DNAAF11: variants seen among roughly 807,000 people sequenced by gnomAD.
DNAAF11 encodes the protein leucine rich repeat containing 6.
A neutral mutation model predicts 60.8 loss-of-function variants in DNAAF11; 45 were observed. The ratio of observed to expected loss-of-function variants is 0.74; its 90% CI spans 0.58 to 0.95. The LOEUF (loss-of-function observed/expected upper bound fraction) is 0.95, where lower values mean the gene tolerates loss of function less well. Ranked by LOEUF, DNAAF11 falls within the 40% of genes least tolerant of loss-of-function variation. The pLI, the probability that DNAAF11 is intolerant of heterozygous loss-of-function variation, is 0.00. For missense variants in DNAAF11, 546 were observed against 546.2 expected (o/e 1.00, Z 0.00); for synonymous variants, 191 against 183.5 (o/e 1.04, Z -0.33).
intron 10 of DNAAF11, among the ~76,000 whole-genome samples, chr8:132,599,003 T>G (rs192936090): frequency 3.0e-4 from 46 of 152,074 alleles, no homozygotes; most frequent in African/African-American, 8.4e-4. Flanking sequence ...TTTGAAAAGA[T>G]CAACAACATT....
chr8:132,637,982 A>C lies in DNAAF11; in HGVS notation c.382T>G (p.Phe128Val). Residue 128 changes from phenylalanine (F) to valine (V), a missense_variant, in exon 4 of 12, where the codon TTT (phenylalanine) becomes GTT (valine). Transcript: ENST00000620350. ...ACCACGAACTCCCTATAGTGGTCAA[A>C]GGAAGCACATGGGTTCCCCATGAGA... ...LFLMGNPCAS[F>V]DHYREFVVAT... 2 of 1,614,124 alleles carry C rather than the reference A, an allele frequency of 1.2e-6. No individual in the cohort carries two copies. The highest frequency in any genetic ancestry group is 1.7e-6 in the Non-Finnish European group (2 of 1,179,974).
chr8:132,674,112 C>CAGGAGGAGCAGGAGGAGGAGGAGG (rs1825474575), intron 1 of DNAAF11, among the ~76,000 whole-genome samples: 1 of 46,694 alleles, frequency 2.1e-5, no homozygotes. Flanking sequence ...GGAGGAGGAG[C>CAGGAGGAGCAGGAGGAGGAGGAGG]AGGAGGAGGA....
At position 132,657,404 on chromosome 8, in the gene DNAAF11, T is replaced by C. The variant is rs543533269; in HGVS notation, c.179-497A>G. On this transcript the variant is annotated intron_variant, in intron 2 of 11. Coordinates refer to ENST00000620350, the MANE Select transcript of DNAAF11 (RefSeq NM_012472.6). The stretch of plus-strand genomic sequence containing the variant: ...GAATTACTATCTCTATTGATACTTA[T>C]ACTCAATCATAAGGGAAACAGCTGC... 7.2e-5 allele frequency among the ~76,000 whole-genome samples: 11 copies of C among 152,330 alleles called. No homozygotes were observed. In the East Asian group the frequency reaches 1.9e-3, roughly 27 times the overall value.
At chr8:132,620,752 G>A (rs1037982210) in intron 7 of DNAAF11, among the ~76,000 whole-genome samples, 4 of 152,220 alleles carry the variant, frequency 2.6e-5, no homozygotes, top group South Asian at 2.1e-4. Flanking sequence ...ATGGGGGCAC[G>A]TGGTTGTTTG....
At chr8:132,671,016 T>A (rs950855294) in intron 1 of DNAAF11, among the ~76,000 whole-genome samples, 2 of 152,124 alleles carry the variant, frequency 1.3e-5, no homozygotes, top group African/African-American at 4.8e-5. Flanking sequence ...AGAAAGACTC[T>A]TCCCGTAAGA....
intron 1 of DNAAF11, among the ~76,000 whole-genome samples, chr8:132,669,139 T>C (rs1163317431): frequency 6.6e-6 from 1 of 152,164 alleles, no homozygotes; most frequent in African/African-American, 2.4e-5. Context: ...CTGCTCAATT[T>C]TGATTTCTTT....
rs551266693 is a variant in DNAAF11, at chr8:132,651,973, A to G, written c.256+4857T>C. ...ATGACTTTGGTAATGGTAATTTTTG[A>G]GAATGAAAAATAAAAATATATGATG... On this transcript the variant is annotated intron_variant, in intron 3 of 11. Transcript: ENST00000620350. Among the ~76,000 whole-genome samples, 3 of 152,358 alleles carry G rather than the reference A, an allele frequency of 2.0e-5. No homozygotes were observed. The East Asian group carries it at 5.8e-4, about 29-fold the overall frequency.
At chr8:132,578,657 T>C (rs1815015306) in intron 11 of DNAAF11, 1 of 576,208 alleles carries the variant, frequency 1.7e-6, no homozygotes, top group African/African-American at 1.9e-5. Flanking sequence ...TTTTTTCTGG[T>C]TTCCTAGTAA....
At chr8:132,672,954 G>A (rs956192880) in intron 1 of DNAAF11, among the ~76,000 whole-genome samples, 1 of 152,128 alleles carries the variant, frequency 6.6e-6, no homozygotes, top group African/African-American at 2.4e-5. Context: ...CTGTACTAAT[G>A]ACATCCCTGC....
intron 10 of DNAAF11, among the ~76,000 whole-genome samples, chr8:132,599,995 A>G (rs1817438061): frequency 6.6e-6 from 1 of 152,234 alleles, no homozygotes; most frequent in African/African-American, 2.4e-5. Flanking sequence ...CCCTGTATGC[A>G]GATAACATGA....
chr8:132,633,413 G>T (rs564782438), intron 4 of DNAAF11, among the ~76,000 whole-genome samples: 1 of 152,136 alleles, frequency 6.6e-6, no homozygotes, highest in East Asian at 1.9e-4. Context: ...CAAACAGATA[G>T]GCTATTGTTA....
At chr8:132,602,583 T>A (rs1263491683) in intron 10 of DNAAF11, among the ~76,000 whole-genome samples, 1 of 151,916 alleles carries the variant, frequency 6.6e-6, no homozygotes, top group Non-Finnish European at 1.5e-5. Flanking sequence ...TCTAACAATT[T>A]AATGCCCACA....
chr8:132,650,764 T>G (rs1822930429), intron 3 of DNAAF11, among the ~76,000 whole-genome samples: 1 of 152,146 alleles, frequency 6.6e-6, no homozygotes, highest in Non-Finnish European at 1.5e-5. Context: ...TTTCTTAAGT[T>G]TAATTTAGGA....
At chr8:132,674,836 C>T (rs969260710) in intron 1 of DNAAF11, among the ~76,000 whole-genome samples, 2 of 152,192 alleles carry the variant, frequency 1.3e-5, no homozygotes, top group Non-Finnish European at 2.9e-5. Flanking sequence ...TGCAGTGGGC[C>T]GAGATCGCGC....
chr8:132,611,487 T>C (rs1185103950), intron 8 of DNAAF11, 124 bp from the exon 9 acceptor site: 2 of 536,354 alleles, frequency 3.7e-6, no homozygotes, highest in South Asian at 2.9e-5. Context: ...CCATGCAAAA[T>C]GGGTCTTTAA....
At chr8:132,609,486 T>C (rs1226319704) in intron 10 of DNAAF11, among the ~76,000 whole-genome samples, 1 of 152,076 alleles carries the variant, frequency 6.6e-6, no homozygotes, top group Non-Finnish European at 1.5e-5. Context: ...TGGCTAGAGA[T>C]TGGTTTTAAT....
intron 10 of DNAAF11, among the ~76,000 whole-genome samples, chr8:132,593,332 CATATATATATATATATATAT>C (rs60462067): frequency 3.7e-5 from 4 of 108,740 alleles, no homozygotes; most frequent in Admixed American, 1.0e-4. Context: ...TATATACATA[CATATATATATATATATATAT>C]ATATATATAT....
intron 10 of DNAAF11, among the ~76,000 whole-genome samples, chr8:132,608,134 C>G (rs1441416774): frequency 6.6e-6 from 1 of 151,946 alleles, no homozygotes; most frequent in South Asian, 2.1e-4. Flanking sequence ...AAGATCCTTG[C>G]AAATAACTAC....
At chr8:132,683,067 GA>G in the DNAAF11 span, among the ~76,000 whole-genome samples, 4 of 152,150 alleles carry the variant, frequency 2.6e-5, no homozygotes, top group Non-Finnish European at 5.9e-5. Context: ...GTTTGGAGGG[GA>G]AAAAATCAAA....
Sources: gnomAD v4.1 joint callset for allele counts (sites outside exome capture counted in the v4.1 genomes callset) on GRCh38, gnomAD v4.1.1 for gene constraint, MANE v1.5 for transcripts, NCBI Gene and HGNC (gene_info 2026-07-23, HGNC 2026-07-21) for gene names.